The following EIF4G3 variants were observed in gnomAD, a reference collection of about 807,000 sequenced individuals.
The protein encoded by EIF4G3 is eIF-4-gamma 3.
Under a neutral mutation model 186.4 loss-of-function variants are expected in EIF4G3, and 34 were observed. That is an observed-to-expected ratio of 0.18 (90% CI 0.14 to 0.24). EIF4G3 has a LOEUF of 0.24. Among genes scored for constraint, EIF4G3 ranks in the 10% least tolerant of loss-of-function variants. EIF4G3 has a pLI of 1.00. For missense variants in EIF4G3, 1,536 were observed against 1,948.5 expected (o/e 0.79, Z 3.99); for synonymous variants, 673 against 679.5 (o/e 0.99, Z 0.15).
At chr1:21,098,918 C>T (rs1172418703) in intron 2 of EIF4G3, among the ~76,000 whole-genome samples, 2 of 152,100 alleles carry the variant, frequency 1.3e-5, no homozygotes, top group African/African-American at 2.4e-5. Context: ...ATTATAGGCA[C>T]GACCCACTGT....
chr1:20,887,847 A>T (rs967217125), intron 18 of EIF4G3, among the ~76,000 whole-genome samples: 1 of 152,174 alleles, frequency 6.6e-6, no homozygotes, highest in African/African-American at 2.4e-5. Context: ...TGATAGAAAA[A>T]TGTGGTAATC....
intron 13 of EIF4G3, among the ~76,000 whole-genome samples, chr1:20,943,172 C>T (rs1236721679): frequency 6.7e-6 from 1 of 150,256 alleles, no homozygotes; most frequent in Non-Finnish European, 1.5e-5. Context: ...CTAAACAAAA[C>T]AAAAAAAACA....
At chr1:21,105,545 T>C (rs996270457) in intron 2 of EIF4G3, among the ~76,000 whole-genome samples, 39 of 151,798 alleles carry the variant, frequency 2.6e-4, no homozygotes, top group African/African-American at 8.7e-4. Context: ...TTTTTAAGAT[T>C]AAATAAAATA....
At chr1:20,893,776 A>C in intron 17 of EIF4G3, 140 bp from the exon 18 acceptor site, 8 of 865,666 alleles carry the variant, frequency 9.2e-6, no homozygotes, top group Non-Finnish European at 1.3e-5. Flanking sequence ...GTCCAATCTC[A>C]TCCATGGCAG....
At chr1:21,115,791 A>G (rs1270504292) in intron 2 of EIF4G3, among the ~76,000 whole-genome samples, 1 of 152,118 alleles carries the variant, frequency 6.6e-6, no homozygotes, top group African/African-American at 2.4e-5. Context: ...ATCACAGCTT[A>G]TTGCACCCGT....
intron 2 of EIF4G3, among the ~76,000 whole-genome samples, chr1:21,148,915 G>A (rs1031731888): frequency 3.9e-5 from 6 of 151,920 alleles, no homozygotes; most frequent in Admixed American, 3.9e-4. Flanking sequence ...CATTAAAGAT[G>A]CCTTCAGAAT....
chr1:21,070,537 G>GT (rs2095411947), intron 3 of EIF4G3, among the ~76,000 whole-genome samples: 1 of 152,102 alleles, frequency 6.6e-6, no homozygotes. Flanking sequence ...TGTTCTAAAT[G>GT]TTTAAGTAGT....
rs987236491 is a variant in EIF4G3, at chr1:20,816,833, G to A, written c.4515+559C>T. Among the ~76,000 whole-genome samples, 550 of 96,824 alleles carry A rather than the reference G, an allele frequency of 5.7e-3. 36 individuals carry two copies. Among genetic ancestry groups the A allele is most frequent in the Middle Eastern group, 0.016 (3 of 188 alleles). The allele number at this position is 96,824 out of a possible 152,430, so 63.5% of individuals were successfully genotyped here. ...AGGGTGGGGAAAAAATTGAGAAATC[G>A]GATGGTTGCCGGGTCTGTGTAGAAA... On this transcript the variant is annotated intron_variant, in intron 34 of 36. Transcript: ENST00000602326.
At chr1:20,961,072 G>C (rs2154564613) in intron 12 of EIF4G3, among the ~76,000 whole-genome samples, 1 of 152,274 alleles carries the variant, frequency 6.6e-6, no homozygotes, top group East Asian at 1.9e-4. Context: ...TTGATGGTCT[G>C]TGTGCAAATT....
intron 29 of EIF4G3, among the ~76,000 whole-genome samples, chr1:20,843,270 C>T (rs1055578202): frequency 1.3e-5 from 2 of 151,968 alleles, no homozygotes; most frequent in Admixed American, 6.5e-5. Context: ...AATCCCAGCA[C>T]GTTGGGAGGC....
chr1:20,829,246 T>C lies in EIF4G3; in HGVS notation c.4088A>G (p.Asp1363Gly). The stretch of plus-strand genomic sequence containing the variant: ...ATGGGGAATATCAATGGCCATGTCA[T>C]CTGCCAATTCCAAAGTTTCTGAAAA... ...KGFSETLELADDMAIDIPHIW... is the reference protein window; with the variant it reads ...KGFSETLELAGDMAIDIPHIW... Residue 1363 changes from aspartate (D) to glycine (G), a missense_variant, in exon 31 of 37, where the codon GAT (aspartate) becomes GGT (glycine). Asp to Gly is a moderately conservative substitution (Grantham distance 94). This residue lies in a region of EIF4G3 where 395 missense variants were observed against 498.9 expected (regional missense o/e 0.79). Transcript: ENST00000602326. 1.2e-6 allele frequency: 2 copies of C among 1,613,736 alleles called. No homozygotes were observed. Among genetic ancestry groups the C allele is most frequent in the Non-Finnish European group, 1.7e-6 (2 of 1,179,842 alleles).
intron 13 of EIF4G3, among the ~76,000 whole-genome samples, chr1:20,946,442 C>A (rs957844430): frequency 1.3e-5 from 2 of 152,134 alleles, no homozygotes; most frequent in South Asian, 4.1e-4. Context: ...CTCTACAAAC[C>A]AATGTGAAGT....
At chr1:20,962,915 T>G (rs937973727) in intron 12 of EIF4G3, among the ~76,000 whole-genome samples, 48 of 151,294 alleles carry the variant, frequency 3.2e-4, no homozygotes, top group African/African-American at 1.1e-3. Flanking sequence ...TTTGTTTTTT[T>G]TTTGTTTTTT....
At chr1:20,848,054 C>T in intron 29 of EIF4G3, 1 of 326,534 alleles carries the variant, frequency 3.1e-6, no homozygotes, top group South Asian at 2.4e-5. Flanking sequence ...CAACCTCTGC[C>T]TCCCGGGCTT....
At chr1:21,007,156 G>A (rs918945207) in intron 4 of EIF4G3, among the ~76,000 whole-genome samples, 2 of 152,072 alleles carry the variant, frequency 1.3e-5, no homozygotes, top group African/African-American at 4.8e-5. Context: ...CCAGCACTTT[G>A]GGAGATAGAG....
intron 13 of EIF4G3, among the ~76,000 whole-genome samples, chr1:20,949,720 T>G (rs2096123323): frequency 6.6e-6 from 1 of 152,200 alleles, no homozygotes; most frequent in African/African-American, 2.4e-5. Context: ...CTCCCTCCAC[T>G]TCCCACCTTG....
chr1:21,050,959 GGTA>G lies in EIF4G3; in HGVS notation c.-163_-161del. On this transcript the variant is annotated 5_prime_UTR_variant, in exon 4 of 37. Coordinates refer to ENST00000602326, the MANE Select transcript of EIF4G3 (RefSeq NM_001391906.1). ...TTTCATGTGCTGAATAAGGGGATGG[GGTA>G]GGGGTTCCCGGCTGTCTTGCCACTT... The G allele has an allele frequency of 1.4e-6, 1 of 717,406 alleles. No individual in the cohort carries two copies. The highest frequency in any genetic ancestry group is 1.7e-5 in the African/African-American group (1 of 57,344). 44.4% of individuals were successfully genotyped at this position (717,406 alleles called of 1,614,324 possible).
intron 2 of EIF4G3, among the ~76,000 whole-genome samples, chr1:21,091,872 T>C (rs553605788): frequency 6.6e-6 from 1 of 152,326 alleles, no homozygotes; most frequent in East Asian, 1.9e-4. Context: ...AAGTTGCTTA[T>C]TAGTTTAAGG....
At chr1:21,097,118 G>A (rs2101660564) in intron 2 of EIF4G3, among the ~76,000 whole-genome samples, 2 of 152,326 alleles carry the variant, frequency 1.3e-5, no homozygotes, top group East Asian at 3.9e-4. Context: ...CTATGGAATA[G>A]TCAGAGGAGA....
Sources: allele counts gnomAD v4.1 joint callset (sites outside exome capture counted in the v4.1 genomes callset), GRCh38; gene constraint gnomAD v4.1.1; regional missense constraint gnomAD v4.1.1; transcripts MANE v1.5; gene names NCBI Gene and HGNC (gene_info 2026-07-23, HGNC 2026-07-21).